The following GABBR2 variants were observed in gnomAD, a reference collection of about 807,000 sequenced individuals.
GABBR2 encodes the protein G-protein coupled receptor 51.
GABBR2 carries 23 observed loss-of-function variants against 105.6 expected under a neutral mutation model. The ratio of observed to expected loss-of-function variants is 0.22; its 90% CI spans 0.16 to 0.31. GABBR2 has a LOEUF of 0.31. GABBR2 is among the 10% of genes least tolerant of loss of function. GABBR2 has a pLI of 1.00. For synonymous variants in GABBR2, 478 were observed against 499.7 expected (o/e 0.96, Z 0.58); for missense variants, 734 against 1,245.5 (o/e 0.59, Z 6.18).
chr9:98,607,634 T>C (rs1306515719), intron 1 of GABBR2: 8 of 725,512 alleles, frequency 1.1e-5, no homozygotes, highest in Non-Finnish European at 1.8e-5. Flanking sequence ...CCTTGGGGTA[T>C]TGCTGAAGTT....
At chr9:98,512,359 G>A (rs1451042127) in intron 3 of GABBR2, among the ~76,000 whole-genome samples, 3 of 150,996 alleles carry the variant, frequency 2.0e-5, no homozygotes, top group Admixed American at 6.6e-5. Context: ...AGACAGGGAT[G>A]CCCTCTCTCA....
intron 7 of GABBR2, among the ~76,000 whole-genome samples, chr9:98,408,044 C>G (rs1416776625): frequency 6.6e-6 from 1 of 152,182 alleles, no homozygotes; most frequent in East Asian, 1.9e-4. Flanking sequence ...GGACCAAGCA[C>G]AGGTCCTGGT....
chr9:98,442,437 G>T (rs1298291652), intron 7 of GABBR2, among the ~76,000 whole-genome samples: 1 of 152,240 alleles, frequency 6.6e-6, no homozygotes, highest in Admixed American at 6.5e-5. Flanking sequence ...AAAAGTGAGG[G>T]TCGAAAGTTA....
intron 7 of GABBR2, among the ~76,000 whole-genome samples, chr9:98,406,458 G>T (rs979169623): frequency 6.6e-6 from 1 of 152,246 alleles, no homozygotes; most frequent in African/African-American, 2.4e-5. Context: ...TGGGGACGAC[G>T]TCTTCTGGGG....
chr9:98,429,754 G>A (rs1825764478), intron 7 of GABBR2, among the ~76,000 whole-genome samples: 1 of 152,172 alleles, frequency 6.6e-6, no homozygotes, highest in Admixed American at 6.5e-5. Context: ...CAGTCTGGAA[G>A]GGGAGGCGAG....
intron 1 of GABBR2, chr9:98,607,872 G>A: frequency 1.4e-6 from 2 of 1,400,206 alleles, no homozygotes; most frequent in Non-Finnish European, 2.0e-6. Flanking sequence ...TAGCTAAAAT[G>A]AAGAAGATGG....
chr9:98,553,770 T>G (rs1279022353), intron 2 of GABBR2, among the ~76,000 whole-genome samples: 1 of 152,220 alleles, frequency 6.6e-6, no homozygotes, highest in East Asian at 1.9e-4. Context: ...ATCTGCATTT[T>G]CCAGATGAGG....
At chr9:98,641,075 C>T (rs1829954304) in intron 1 of GABBR2, among the ~76,000 whole-genome samples, 1 of 151,858 alleles carries the variant, frequency 6.6e-6, no homozygotes, top group African/African-American at 2.4e-5. Flanking sequence ...TATTGAGGCA[C>T]TTACAGAGTC....
intron 1 of GABBR2, among the ~76,000 whole-genome samples, chr9:98,701,026 CCTAA>C (rs1830823458): frequency 1.3e-5 from 2 of 152,084 alleles, no homozygotes; most frequent in African/African-American, 4.8e-5. Context: ...CCTCACCCAC[CCTAA>C]CTAACAAAAG....
At chr9:98,417,820 T>A (rs1430373653) in intron 7 of GABBR2, among the ~76,000 whole-genome samples, 1 of 152,142 alleles carries the variant, frequency 6.6e-6, no homozygotes, top group East Asian at 1.9e-4. Flanking sequence ...AGGGCACCTC[T>A]CTTTGAGGGG....
At chr9:98,390,375 C>CAAAAAAAAAAAAAAAAA (rs61216428) in intron 9 of GABBR2, among the ~76,000 whole-genome samples, 32 of 32,432 alleles carry the variant, frequency 9.9e-4, no homozygotes, top group African/African-American at 2.4e-3. Context: ...CTCCATCTCA[C>CAAAAAAAAAAAAAAAAA]AAAAAAAAAA....
At chr9:98,383,860 T>C (rs1737406389) in intron 11 of GABBR2, among the ~76,000 whole-genome samples, 1 of 152,156 alleles carries the variant, frequency 6.6e-6, no homozygotes, top group Admixed American at 6.5e-5. Context: ...CTGGACTCAG[T>C]CCTCAAAATC....
chr9:98,572,620 G>A (rs1412343848), intron 2 of GABBR2, among the ~76,000 whole-genome samples: 2 of 151,992 alleles, frequency 1.3e-5, no homozygotes, highest in African/African-American at 2.4e-5. Flanking sequence ...GGTTGGGGTG[G>A]CTTGGGAGGT....
intron 2 of GABBR2, among the ~76,000 whole-genome samples, chr9:98,558,317 G>A (rs1468205467): frequency 6.6e-6 from 1 of 152,136 alleles, no homozygotes; most frequent in African/African-American, 2.4e-5. Context: ...GTGGTAAAGG[G>A]CTGAACCTAT....
chr9:98,610,097 G>A (rs1829483261), intron 1 of GABBR2, among the ~76,000 whole-genome samples: 1 of 152,180 alleles, frequency 6.6e-6, no homozygotes, highest in African/African-American at 2.4e-5. Context: ...TCATTTCAGT[G>A]AACAGCACCC....
chr9:98,534,353 A>G (rs1373193370), intron 3 of GABBR2, among the ~76,000 whole-genome samples: 3 of 152,104 alleles, frequency 2.0e-5, no homozygotes, highest in African/African-American at 7.2e-5. Context: ...GGAGGGAGAA[A>G]AGGGAAAGGC....
At chr9:98,674,995 T>G (rs1473298278) in intron 1 of GABBR2, among the ~76,000 whole-genome samples, 1 of 152,138 alleles carries the variant, frequency 6.6e-6, no homozygotes, top group East Asian at 1.9e-4. Flanking sequence ...AAAGTTCAGC[T>G]GGCCAGGCTC....
chr9:98,464,123 C>T (rs1826487032), intron 6 of GABBR2, among the ~76,000 whole-genome samples: 2 of 152,176 alleles, frequency 1.3e-5, no homozygotes, highest in South Asian at 4.1e-4. Flanking sequence ...AGCCCCTCTG[C>T]CCGGCCGCCC....
At chr9:98,386,321 C>T (rs1042223879) in intron 10 of GABBR2, among the ~76,000 whole-genome samples, 1 of 151,534 alleles carries the variant, frequency 6.6e-6, no homozygotes, top group Non-Finnish European at 1.5e-5. Context: ...CCATACCACA[C>T]TCCCCAGCCT....
Sources: gnomAD v4.1 joint callset for allele counts (sites outside exome capture counted in the v4.1 genomes callset) on GRCh38, gnomAD v4.1.1 for gene constraint, MANE v1.5 for transcripts, NCBI Gene and HGNC (gene_info 2026-07-23, HGNC 2026-07-21) for gene names.